The following ARHGAP32 variants were observed in gnomAD, a reference collection of about 807,000 sequenced individuals.
ARHGAP32 encodes the protein rho GTPase-activating protein 32.
ARHGAP32 carries 51 observed loss-of-function variants against 186.5 expected under a neutral mutation model. That is an observed-to-expected ratio of 0.27 (90% CI 0.22 to 0.35). ARHGAP32 has a LOEUF of 0.35. ARHGAP32 is among the 10% of genes least tolerant of loss of function. ARHGAP32 has a pLI of 1.00. For missense variants in ARHGAP32, 2,186 were observed against 2,623.5 expected (o/e 0.83, Z 3.64); for synonymous variants, 950 against 964.3 (o/e 0.99, Z 0.27).
intron 1 of ARHGAP32, among the ~76,000 whole-genome samples, chr11:129,182,177 G>A (rs1215297516): frequency 6.6e-6 from 1 of 151,960 alleles, no homozygotes; most frequent in Non-Finnish European, 1.5e-5. Context: ...CTACTGATGA[G>A]TACTTGAATA....
chr11:129,110,258 A>C (rs1321708404), intron 5 of ARHGAP32, among the ~76,000 whole-genome samples: 1 of 152,002 alleles, frequency 6.6e-6, no homozygotes, highest in Non-Finnish European at 1.5e-5. Context: ...CTGTAAACAC[A>C]TGGATTTCTT....
rs189774800 is a variant in ARHGAP32, at chr11:129,035,761, T to C, written c.1045+5167A>G. Reference sequence around the variant, plus strand: ...CAGGAGGCAGAGGCAGGAGAATTGCTTGAACCTGGAAGGCGGAGGTTGCAG... The same window carrying C: ...CAGGAGGCAGAGGCAGGAGAATTGCCTGAACCTGGAAGGCGGAGGTTGCAG... On this transcript the variant is annotated intron_variant, in intron 11 of 22. Coordinates refer to ENST00000682385, the MANE Select transcript of ARHGAP32 (RefSeq NM_001378024.1). Among the ~76,000 whole-genome samples the C allele has an allele frequency of 1.2e-3, 184 of 152,046 alleles. 2 individuals carry two copies. Among genetic ancestry groups the C allele is most frequent in the Middle Eastern group, 3.4e-3 (1 of 292 alleles).
chr11:129,020,811 A>C (rs1938561546), intron 11 of ARHGAP32, among the ~76,000 whole-genome samples: 1 of 152,056 alleles, frequency 6.6e-6, no homozygotes, highest in African/African-American at 2.4e-5. Flanking sequence ...TTGAGTCTTG[A>C]ATTTTAATGT....
intron 1 of ARHGAP32, among the ~76,000 whole-genome samples, chr11:129,271,015 G>A (rs1945465949): frequency 6.6e-6 from 1 of 152,142 alleles, no homozygotes; most frequent in African/African-American, 2.4e-5. Flanking sequence ...ATCTTCCCTG[G>A]TTAAGAACCA....
intron 1 of ARHGAP32, among the ~76,000 whole-genome samples, chr11:129,222,927 G>C (rs1261784929): frequency 6.6e-6 from 1 of 152,190 alleles, no homozygotes; most frequent in Non-Finnish European, 1.5e-5. Context: ...CAAGGATCTA[G>C]TGCAGTGCTG....
intron 7 of ARHGAP32, 47 bp downstream of exon 7, chr11:129,066,684 A>C: frequency 2.0e-6 from 3 of 1,529,228 alleles, no homozygotes; most frequent in Non-Finnish European, 2.6e-6. Context: ...ACTTCTGCAA[A>C]CTCATATATA....
intron 1 of ARHGAP32, among the ~76,000 whole-genome samples, chr11:129,268,500 T>A (rs1266003161): frequency 6.6e-6 from 1 of 151,966 alleles, no homozygotes; most frequent in African/African-American, 2.4e-5. Context: ...GAAAGGCAGA[T>A]GGCATATTCC....
intron 11 of ARHGAP32, among the ~76,000 whole-genome samples, chr11:129,039,212 A>G (rs1340801623): frequency 6.6e-6 from 1 of 152,194 alleles, no homozygotes; most frequent in African/African-American, 2.4e-5. Flanking sequence ...TATAGTTACC[A>G]TATGACCCAG....
At chr11:128,983,125 C>G (rs1047684667) in intron 15 of ARHGAP32, among the ~76,000 whole-genome samples, 1 of 152,096 alleles carries the variant, frequency 6.6e-6, no homozygotes, top group Non-Finnish European at 1.5e-5. Context: ...ATAGCTCTAA[C>G]AAGCACAGAA....
chr11:129,270,750 A>T (rs891266175), intron 1 of ARHGAP32, among the ~76,000 whole-genome samples: 1 of 152,184 alleles, frequency 6.6e-6, no homozygotes, highest in East Asian at 1.9e-4. Context: ...AAGGAACATC[A>T]CTGAGACTGT....
chr11:128,997,838 C>T (rs902943388), intron 12 of ARHGAP32, among the ~76,000 whole-genome samples: 1 of 152,116 alleles, frequency 6.6e-6, no homozygotes, highest in Non-Finnish European at 1.5e-5. Flanking sequence ...AGGCTGCAGT[C>T]GGCTATGATC....
intron 1 of ARHGAP32, among the ~76,000 whole-genome samples, chr11:129,214,537 G>C (rs1203762353): frequency 6.6e-6 from 1 of 152,190 alleles, no homozygotes; most frequent in African/African-American, 2.4e-5. Context: ...TTTCAGCACA[G>C]AGAGATTGAG....
At chr11:129,233,078 T>A (rs140875405) in intron 1 of ARHGAP32, among the ~76,000 whole-genome samples, 2 of 152,130 alleles carry the variant, frequency 1.3e-5, no homozygotes, top group East Asian at 3.9e-4. Context: ...TTTACTGGAG[T>A]ATAATGCTAT....
At chr11:129,037,654 C>T (rs1939406517) in intron 11 of ARHGAP32, among the ~76,000 whole-genome samples, 1 of 151,886 alleles carries the variant, frequency 6.6e-6, no homozygotes, top group Non-Finnish European at 1.5e-5. Context: ...TAGAAACTGA[C>T]AAGCTGATTC....
chr11:129,154,619 G>A (rs1289830327), intron 2 of ARHGAP32, among the ~76,000 whole-genome samples: 1 of 152,106 alleles, frequency 6.6e-6, no homozygotes, highest in East Asian at 1.9e-4. Context: ...TTTAAGTGAA[G>A]TAACTCAGGA....
Position 129,123,869 on chromosome 11 carries a change from G to A in ARHGAP32, c.359+19C>T. On this transcript the variant is annotated intron_variant, in intron 4 of 22. Transcript: ENST00000682385. The surrounding 1 kb of genome is among the most constrained non-coding windows in gnomAD (Gnocchi z 4.6). Reference sequence around the variant, plus strand: ...TAACCAGAAGCATTCCCAACACAAAGTAGAAAACCAGATTTTACCTGTGAA... The same window carrying A: ...TAACCAGAAGCATTCCCAACACAAAATAGAAAACCAGATTTTACCTGTGAA... 7.7e-7 allele frequency: 1 copy of A among 1,301,874 alleles called. No individual in the cohort carries two copies. Among genetic ancestry groups the A allele is most frequent in the South Asian group, 1.2e-5 (1 of 80,814 alleles). 80.6% of individuals were successfully genotyped at this position (1,301,874 alleles called of 1,614,324 possible).
At chr11:129,071,855 T>A (rs1417486324) in intron 6 of ARHGAP32, among the ~76,000 whole-genome samples, 2 of 152,176 alleles carry the variant, frequency 1.3e-5, no homozygotes, top group Non-Finnish European at 2.9e-5. Flanking sequence ...AAATGTGGTA[T>A]ACGTACACAA....
upstream of ARHGAP32, among the ~76,000 whole-genome samples, chr11:129,193,726 A>ATATATTTATTATATAT (rs1555111394): frequency 3.5e-5 from 3 of 85,704 alleles, no homozygotes; most frequent in African/African-American, 1.3e-4. Context: ...ATTATATATT[A>ATATATTTATTATATAT]TATATAATAT....
chr11:129,208,002 G>A (rs955401408), intron 1 of ARHGAP32, among the ~76,000 whole-genome samples: 5 of 151,974 alleles, frequency 3.3e-5, no homozygotes, highest in African/African-American at 1.2e-4. Context: ...TAAGAAGAAG[G>A]GCATTACCTG....
Sources: allele counts gnomAD v4.1 joint callset (sites outside exome capture counted in the v4.1 genomes callset), GRCh38; gene constraint gnomAD v4.1.1; non-coding constraint Gnocchi (gnomAD v3.1); transcripts MANE v1.5; gene names NCBI Gene and HGNC (gene_info 2026-07-23, HGNC 2026-07-21).